Variants in HMCN2 observed in about 807,000 individuals in gnomAD.
HMCN2 encodes the protein hemicentin-2.
In HMCN2, 325 loss-of-function variants were observed where a neutral mutation model predicts 377.5. The ratio of observed to expected loss-of-function variants is 0.86; its 90% CI spans 0.79 to 0.94. The LOEUF is 0.94. HMCN2 is among the 40% of genes least tolerant of loss of function. The pLI, the probability that HMCN2 is intolerant of heterozygous loss-of-function variation, is 0.00. For missense variants in HMCN2, 4,543 were observed against 4,725.3 expected (o/e 0.96, Z 1.13); for synonymous variants, 2,007 against 2,046.8 (o/e 0.98, Z 0.53).
intron 15 of HMCN2, among the ~76,000 whole-genome samples, chr9:130,312,596 CTTTCT>C (rs1837325510): frequency 1.1e-5 from 1 of 91,902 alleles, no homozygotes; most frequent in African/African-American, 4.3e-5. Flanking sequence ...TTCTTTCTTT[CTTTCT>C]TTCTTTCTTT....
At chr9:130,277,994 T>TCATCAC (rs1834860909) in intron 1 of HMCN2, among the ~76,000 whole-genome samples, 1 of 41,336 alleles carries the variant, frequency 2.4e-5, no homozygotes, top group Non-Finnish European at 4.0e-5. Context: ...ACCACGATCA[T>TCATCAC]CACCACCACC....
chr9:130,368,315 TG>T lies in HMCN2; in HGVS notation c.6666del (p.Ser2223ArgfsTer77). 1 of 985,690 alleles carries T rather than the reference TG, an allele frequency of 1.0e-6. No individual in the cohort carries two copies. The highest frequency in any genetic ancestry group is 4.7e-5 in the South Asian group (1 of 21,276). The allele number at this position is 985,690 out of a possible 1,614,324, so 61.1% of individuals were successfully genotyped here. The stretch of plus-strand genomic sequence containing the variant: ...GGGGAGGGGGCTGGCCTCCAGCACG[TG>T]TCGGCTGTGGGGAGGCTGTTGTACC... ...LPGEGAGLQH[V>X]SAVGRLLYLG... is the part of the protein sequence containing the mutation. On this transcript the variant is annotated frameshift_variant, in exon 44 of 98. Transcript: ENST00000683500. LOFTEE classifies it high-confidence loss of function.
rs940922050 is a variant in HMCN2 at position 130,394,331 on chromosome 9, T to C, written c.10502-54T>C. The C allele has an allele frequency of 2.6e-6, 3 of 1,152,852 alleles. No homozygotes were observed. Among genetic ancestry groups the C allele is most frequent in the East Asian group, 1.2e-4 (2 of 17,256 alleles). The allele number at this position is 1,152,852 out of a possible 1,614,324, so 71.4% of individuals were successfully genotyped here. A position where few individuals can be genotyped will look rare whatever the true frequency, so the allele number is the denominator to read the frequency against. ...CTCAGCACAGTGTTTTCAAGTGCGGTGCTGTCCCGGAAATGTGTGTCAATT... is the reference window on the plus strand; with the variant it reads ...CTCAGCACAGTGTTTTCAAGTGCGGCGCTGTCCCGGAAATGTGTGTCAATT... On this transcript the variant is annotated intron_variant, in intron 68 of 97. Transcript: ENST00000683500. The surrounding 1 kb of genome is among the most constrained non-coding windows in gnomAD (Gnocchi z 5.1).
Position 130,390,992 on chromosome 9 carries a change from A to C in HMCN2, c.9539A>C (p.His3180Pro). ...DRMPVESSAV[H>P]GVVSRGGRLQ... Reference sequence around the variant, plus strand: ...TGTCCCACAGAGAGCAGCGCGGTGCACGGTGTGGTCTCCCGGGGGGGCCGC... The same window carrying C: ...TGTCCCACAGAGAGCAGCGCGGTGCCCGGTGTGGTCTCCCGGGGGGGCCGC... The change falls in exon 63 of 98, where the codon CAC (histidine) becomes CCC (proline). Residue 3180 changes from histidine (H) to proline (P), a missense_variant. Transcript: ENST00000683500. 1 of 987,152 alleles carries C rather than the reference A, an allele frequency of 1.0e-6. No homozygotes were observed. Among genetic ancestry groups the C allele is most frequent in the Non-Finnish European group, 1.2e-6 (1 of 830,196 alleles). The allele number at this position is 987,152 out of a possible 1,614,324, so 61.1% of individuals were successfully genotyped here. A position where few individuals can be genotyped will look rare whatever the true frequency, so the allele number is the denominator to read the frequency against.
intron 14 of HMCN2, 26 bp from the exon 15 acceptor site, chr9:130,309,886 C>A: frequency 2.2e-6 from 1 of 461,440 alleles, no homozygotes; most frequent in Non-Finnish European, 4.5e-6. Context: ...GGACACCGGC[C>A]TGATGCTTCT....
intron 27 of HMCN2, 53 bp from the exon 28 acceptor site, chr9:130,348,931 G>T: frequency 1.6e-6 from 2 of 1,282,946 alleles, no homozygotes; most frequent in Non-Finnish European, 2.1e-6. Flanking sequence ...ACTGATGCTG[G>T]GGGTGGTGGC....
intron 22 of HMCN2, among the ~76,000 whole-genome samples, chr9:130,334,549 G>GTTT (rs1192246439): frequency 0.047 from 4,641 of 98,892 alleles, 324 homozygotes; most frequent in Middle Eastern, 0.089. Context: ...ACTTTTGGAA[G>GTTT]TTTTTTTTTT....
intron 2 of HMCN2, 60 bp from the exon 3 acceptor site, chr9:130,285,098 C>G (rs961578254): frequency 2.2e-6 from 1 of 460,748 alleles, no homozygotes; most frequent in Middle Eastern, 3.8e-4. Flanking sequence ...GGAGATGTCC[C>G]TGGGTGGGTC....
intron 31 of HMCN2, 117 bp from the exon 32 acceptor site, chr9:130,354,646 G>A (rs943274941): frequency 1.1e-6 from 1 of 877,638 alleles, no homozygotes; most frequent in Admixed American, 3.5e-5. Flanking sequence ...GGTGAGGGAA[G>A]GAAGTGTTTC....
At chr9:130,406,315 G>T in intron 82 of HMCN2, 147 bp downstream of exon 82, 2 of 596,120 alleles carry the variant, frequency 3.4e-6, no homozygotes, top group South Asian at 3.4e-5. Flanking sequence ...GTGGCCCTAT[G>T]TAGGGGGACA....
Position 130,414,134 on chromosome 9 carries a change from C to T in HMCN2, c.12961+3482C>T, listed in dbSNP as rs572797709. On this transcript the variant is annotated intron_variant, in intron 85 of 97. Coordinates refer to ENST00000683500, the MANE Select transcript of HMCN2 (RefSeq NM_001291815.2). This position sits in a 1 kb window ranked among gnomAD's most constrained non-coding sequence, Gnocchi z 4.4. The stretch of plus-strand genomic sequence containing the variant: ...CTAACTTCCACCCTCGCCCCTGTAC[C>T]GAGGCACTGCTCTCCCCACACTGGA... Among the ~76,000 whole-genome samples, 9 of 152,302 alleles carry T rather than the reference C, an allele frequency of 5.9e-5. No individual in the cohort carries two copies. Among genetic ancestry groups the T allele is most frequent in the Admixed American group, 2.0e-4 (3 of 15,298 alleles).
At chr9:130,311,560 C>T (rs913364126) in intron 15 of HMCN2, among the ~76,000 whole-genome samples, 4 of 152,086 alleles carry the variant, frequency 2.6e-5, no homozygotes, top group South Asian at 2.1e-4. Flanking sequence ...CACAGGGCAC[C>T]GAGTGGCTGG....
chr9:130,298,955 C>A, intron 7 of HMCN2, 70 bp from the exon 8 acceptor site: 1 of 410,892 alleles, frequency 2.4e-6, no homozygotes, highest in Non-Finnish European at 5.1e-6. Context: ...GGTTCGAGGG[C>A]CCCTACTTGA....
rs1304971715 is a variant in HMCN2, at chr9:130,429,618, C to A, written c.14259C>A (p.Thr4753=). 6.5e-7 allele frequency: 1 copy of A among 1,549,952 alleles called. No homozygotes were observed. The highest frequency in any genetic ancestry group is 1.4e-5 in the African/African-American group (1 of 73,036). ...ACTACAACCAGCTCTGCGAGAACACCCCAGGCGGTCACCGCTGCAGCTGCC... is the reference window on the plus strand; with the variant it reads ...ACTACAACCAGCTCTGCGAGAACACACCAGGCGGTCACCGCTGCAGCTGCC... ...DCHYNQLCEN[T]PGGHRCSCPR... is the part of the protein sequence containing the mutation. The change falls in exon 94 of 98, where the codon ACC becomes ACA. Residue 4753 remains threonine, a synonymous_variant. Coordinates refer to ENST00000683500, the MANE Select transcript of HMCN2 (RefSeq NM_001291815.2).
At chr9:130,333,336 C>A (rs1330988757) in intron 22 of HMCN2, among the ~76,000 whole-genome samples, 1 of 152,110 alleles carries the variant, frequency 6.6e-6, no homozygotes, top group Non-Finnish European at 1.5e-5. Flanking sequence ...AGGTGTGTGC[C>A]GGGGATGAGG....
intron 84 of HMCN2, 89 bp downstream of exon 84, chr9:130,409,022 C>T: frequency 1.1e-6 from 1 of 902,440 alleles, no homozygotes; most frequent in Non-Finnish European, 1.5e-6. Context: ...CCTATTGCCC[C>T]CTCTGCTTCT....
intron 94 of HMCN2, 64 bp downstream of exon 94, chr9:130,429,749 G>T (rs1844625845): frequency 7.7e-7 from 1 of 1,295,980 alleles, no homozygotes; most frequent in Non-Finnish European, 1.0e-6. Context: ...CGGATGCAGG[G>T]CCCCAGCCTG....
chr9:130,379,606 T>G (rs763607836), intron 54 of HMCN2, 139 bp downstream of exon 54: 29 of 237,520 alleles, frequency 1.2e-4, no homozygotes, highest in Non-Finnish European at 1.3e-4. Flanking sequence ...TCTTTGCCTG[T>G]GTGAAGGCAA....
rs921127665 is a variant in HMCN2 at position 130,373,075 on chromosome 9, G to A, written c.7389G>A (p.Val2463=). The change falls in exon 48 of 98, where the codon GTG becomes GTA. Residue 2463 remains valine, a synonymous_variant. Transcript: ENST00000683500. The part of the protein sequence containing the change: ...PSIENEDLEE[V]IKVLDGQTAH... ...TTGAGAACGAGGACTTGGAGGAGGT[G>A]ATCAAGGTCCTTGATGGACAGACTG... 6.1e-6 allele frequency: 6 copies of A among 984,478 alleles called. No homozygotes were observed. Among genetic ancestry groups the A allele is most frequent in the Non-Finnish European group, 7.2e-6 (6 of 829,288 alleles). The allele number at this position is 984,478 out of a possible 1,614,324, so 61.0% of individuals were successfully genotyped here.
Sources: gnomAD v4.1 joint callset for allele counts (sites outside exome capture counted in the v4.1 genomes callset) on GRCh38, gnomAD v4.1.1 for gene constraint, Gnocchi (gnomAD v3.1) non-coding constraint, MANE v1.5 for transcripts, NCBI Gene and HGNC (gene_info 2026-07-23, HGNC 2026-07-21) for gene names.